Variants in DOK6 observed in about 807,000 individuals in gnomAD.
DOK6 encodes downstream of tyrosine kinase 6.
DOK6 carries 22 observed loss-of-function variants against 44.0 expected under a neutral mutation model. The observed-to-expected ratio is 0.50, with a 90% CI of 0.36 to 0.71. The LOEUF is 0.71. Among genes scored for constraint, DOK6 ranks in the 30% least tolerant of loss-of-function variants. The probability of loss-of-function intolerance (pLI) is 0.00; values close to 1 mark genes in which losing one functional copy is unlikely to be tolerated. For synonymous variants in DOK6, 166 were observed against 145.5 expected (o/e 1.14, Z -1.01); for missense variants, 340 against 416.4 (o/e 0.82, Z 1.60).
intron 4 of DOK6, among the ~76,000 whole-genome samples, chr18:69,687,282 A>C (rs558039396): frequency 1.3e-5 from 2 of 152,334 alleles, no homozygotes; most frequent in South Asian, 4.1e-4. Flanking sequence ...ATATTTCCTT[A>C]TGTTAATCCA....
At chr18:69,548,687 C>A (rs1982476841) in intron 1 of DOK6, among the ~76,000 whole-genome samples, 1 of 151,568 alleles carries the variant, frequency 6.6e-6, no homozygotes, top group Non-Finnish European at 1.5e-5. Flanking sequence ...GGTCACTCAA[C>A]CAGTCTGGTA....
intron 5 of DOK6, among the ~76,000 whole-genome samples, chr18:69,714,092 T>C (rs1163136098): frequency 6.6e-6 from 1 of 152,210 alleles, no homozygotes; most frequent in Non-Finnish European, 1.5e-5. Context: ...AGAAAACTCC[T>C]GGTAAATAGA....
At chr18:69,476,688 C>T (rs12968724) in intron 1 of DOK6, among the ~76,000 whole-genome samples, 65,817 of 152,108 alleles carry the variant, frequency 0.43, 14,968 homozygotes, top group Middle Eastern at 0.54. Context: ...CCATCAGGAA[C>T]TGGGCTTGAG....
intron 1 of DOK6, among the ~76,000 whole-genome samples, chr18:69,509,352 A>T (rs1404052304): frequency 6.6e-6 from 1 of 152,132 alleles, no homozygotes; most frequent in African/African-American, 2.4e-5. Flanking sequence ...TAAAGCCAGG[A>T]TATGGCCGGG....
In DOK6 at chr18:69,757,848, C is replaced by A. The variant is rs1979410527; in HGVS notation, c.831C>A (p.Ser277Arg). The A allele has an allele frequency of 3.7e-6, 6 of 1,613,952 alleles. No homozygotes were observed. Among genetic ancestry groups the A allele is most frequent in the Admixed American group, 1.7e-5 (1 of 60,000 alleles). ...GGCATCACATCACTCGTCAGAACAG[C>A]GTTGGTGAAATCTACAGTTTGCAAG... ...AYWHHITRQNSVGEIYSLQGH... is the reference protein window; with the variant it reads ...AYWHHITRQNRVGEIYSLQGH... The change falls in exon 7 of 8, where the codon AGC (serine) becomes AGA (arginine). Residue 277 changes from serine to arginine, a missense_variant. By Grantham distance (110) the Ser-to-Arg change is moderately radical (BLOSUM62 -1). Coordinates refer to ENST00000382713, the MANE Select transcript of DOK6 (RefSeq NM_152721.6).
At chr18:69,405,044 G>A (rs543566833) in intron 1 of DOK6, among the ~76,000 whole-genome samples, 3 of 152,284 alleles carry the variant, frequency 2.0e-5, no homozygotes, top group East Asian at 3.9e-4. Flanking sequence ...GACAGATTGC[G>A]AGTTTTGAAG....
intron 3 of DOK6, among the ~76,000 whole-genome samples, chr18:69,643,037 C>T (rs1173368799): frequency 6.6e-6 from 1 of 152,132 alleles, no homozygotes; most frequent in African/African-American, 2.4e-5. Context: ...TCTTTACATA[C>T]TTTGTTTCCC....
At chr18:69,650,101 G>A (rs904909962) in intron 3 of DOK6, among the ~76,000 whole-genome samples, 1 of 151,966 alleles carries the variant, frequency 6.6e-6, no homozygotes, top group African/African-American at 2.4e-5. Flanking sequence ...TTAACACTTT[G>A]TGCCTACTGT....
intron 6 of DOK6, among the ~76,000 whole-genome samples, chr18:69,742,824 G>C (rs1443632717): frequency 1.3e-5 from 2 of 152,176 alleles, no homozygotes; most frequent in South Asian, 2.1e-4. Context: ...ATGTATGTAT[G>C]GGTAAGACAT....
At chr18:69,580,261 A>G (rs902457064) in intron 2 of DOK6, among the ~76,000 whole-genome samples, 34 of 152,216 alleles carry the variant, frequency 2.2e-4, no homozygotes, top group African/African-American at 7.7e-4. Flanking sequence ...TGTTGACAGG[A>G]TTCAGTTCCT....
chr18:69,818,407 G>A (rs574414205), intron 7 of DOK6, among the ~76,000 whole-genome samples: 1 of 152,258 alleles, frequency 6.6e-6, no homozygotes, highest in African/African-American at 2.4e-5. Context: ...TTATTTCGAA[G>A]AACTGGAGTA....
intron 1 of DOK6, among the ~76,000 whole-genome samples, chr18:69,410,687 T>C (rs1978302342): frequency 6.6e-6 from 1 of 152,198 alleles, no homozygotes; most frequent in African/African-American, 2.4e-5. Flanking sequence ...TGACTGATGC[T>C]TCTACCAGCA....
At chr18:69,819,387 T>C (rs1362831993) in intron 7 of DOK6, among the ~76,000 whole-genome samples, 7 of 152,172 alleles carry the variant, frequency 4.6e-5, no homozygotes, top group Non-Finnish European at 1.0e-4. Flanking sequence ...AATTCTGCTA[T>C]CCTGGCTGCA....
chr18:69,612,420 T>TGCGAGGGCGCATGTGA (rs1984169855), intron 3 of DOK6, among the ~76,000 whole-genome samples: 1 of 150,706 alleles, frequency 6.6e-6, no homozygotes, highest in Non-Finnish European at 1.5e-5. Context: ...GGCGCATGTG[T>TGCGAGGGCGCATGTGA]GCGAGGGCGC....
At chr18:69,564,642 G>A in intron 2 of DOK6, 48 bp downstream of exon 2, 1 of 1,411,604 alleles carries the variant, frequency 7.1e-7, no homozygotes. Context: ...GGCCCTTGAA[G>A]ACTTGTGGAG....
intron 1 of DOK6, among the ~76,000 whole-genome samples, chr18:69,557,151 G>A (rs568736707): frequency 8.5e-5 from 13 of 152,240 alleles, no homozygotes; most frequent in South Asian, 8.3e-4. Flanking sequence ...ACGACACTTC[G>A]TTCTATAATT....
At chr18:69,466,916 C>T (rs1057184622) in intron 1 of DOK6, among the ~76,000 whole-genome samples, 2 of 152,004 alleles carry the variant, frequency 1.3e-5, no homozygotes, top group African/African-American at 4.8e-5. Flanking sequence ...TATATTGATA[C>T]TGGGAGAAAT....
At chr18:69,677,989 C>T (rs1431186489) in intron 4 of DOK6, 136 bp downstream of exon 4, 2 of 1,336,234 alleles carry the variant, frequency 1.5e-6, no homozygotes, top group Non-Finnish European at 2.0e-6. Context: ...TGGCGCAAAC[C>T]TGTAATCCCT....
chr18:69,455,774 T>C (rs748159059), intron 1 of DOK6, among the ~76,000 whole-genome samples: 3 of 152,202 alleles, frequency 2.0e-5, no homozygotes, highest in Non-Finnish European at 2.9e-5. Flanking sequence ...TTCAGTAAAA[T>C]TACCTACAGC....
Sources: gnomAD v4.1 joint callset for allele counts (sites outside exome capture counted in the v4.1 genomes callset) on GRCh38, gnomAD v4.1.1 for gene constraint, MANE v1.5 for transcripts, NCBI Gene and HGNC (gene_info 2026-07-23, HGNC 2026-07-21) for gene names.